The following RAPGEF5 variants were observed in gnomAD, a reference collection of about 807,000 sequenced individuals.
The protein encoded by RAPGEF5 is M-Ras-regulated GEF.
A neutral mutation model predicts 125.2 loss-of-function variants in RAPGEF5; 65 were observed. The ratio of observed to expected loss-of-function variants is 0.52; its 90% CI spans 0.43 to 0.64. The LOEUF is 0.64. Among genes scored for constraint, RAPGEF5 ranks in the 30% least tolerant of loss-of-function variants. RAPGEF5 has a pLI of 0.00. For synonymous variants in RAPGEF5, 391 were observed against 385.9 expected, an observed-to-expected ratio of 1.01 and a Z score of -0.16; for missense variants, 958 against 1,048.1, an observed-to-expected ratio of 0.91 and a Z score of 1.19.
chr7:22,239,147 G>A (rs980399904), intron 7 of RAPGEF5, among the ~76,000 whole-genome samples: 3 of 152,128 alleles, frequency 2.0e-5, no homozygotes, highest in African/African-American at 7.2e-5. Context: ...CCAGGGCCCT[G>A]CTATGGAGAT....
At chr7:22,151,708 C>T (rs1783635546) in intron 17 of RAPGEF5, among the ~76,000 whole-genome samples, 1 of 152,126 alleles carries the variant, frequency 6.6e-6, no homozygotes, top group Non-Finnish European at 1.5e-5. Context: ...AAGTGATCCG[C>T]CTGCCTTGGC....
At chr7:22,267,711 C>T (rs1173131653) in intron 6 of RAPGEF5, among the ~76,000 whole-genome samples, 4 of 152,118 alleles carry the variant, frequency 2.6e-5, no homozygotes, top group African/African-American at 9.7e-5. Flanking sequence ...CAAAGCAGAA[C>T]ACGAAACAGT....
At chr7:22,195,724 A>C (rs575043199) in intron 9 of RAPGEF5, among the ~76,000 whole-genome samples, 25 of 151,924 alleles carry the variant, frequency 1.6e-4, no homozygotes, top group African/African-American at 5.1e-4. Context: ...GACCAAAAAA[A>C]CCCCCCAAAA....
At chr7:22,204,472 A>G (rs556298889) in intron 9 of RAPGEF5, among the ~76,000 whole-genome samples, 14 of 152,208 alleles carry the variant, frequency 9.2e-5, no homozygotes, top group Non-Finnish European at 1.5e-4. Context: ...GTGTGCACGC[A>G]TGCCTGTGGA....
chr7:22,299,019 CTTTT>C (rs545568109), intron 5 of RAPGEF5, among the ~76,000 whole-genome samples: 2 of 123,986 alleles, frequency 1.6e-5, no homozygotes, highest in South Asian at 5.2e-4. Context: ...GATTTCGTAC[CTTTT>C]TTTTTTTTTT....
intron 22 of RAPGEF5, among the ~76,000 whole-genome samples, chr7:22,136,603 G>GA (rs1346590542): frequency 2.0e-5 from 3 of 151,096 alleles, no homozygotes; most frequent in African/African-American, 7.4e-5. Flanking sequence ...GGAGAAAAGG[G>GA]AAAAAGAAAA....
intron 9 of RAPGEF5, among the ~76,000 whole-genome samples, chr7:22,211,803 G>C (rs1649729356): frequency 1.3e-5 from 2 of 151,936 alleles, no homozygotes; most frequent in African/African-American, 4.8e-5. Flanking sequence ...CACAATGTTT[G>C]GATAAACCCA....
intron 6 of RAPGEF5, among the ~76,000 whole-genome samples, chr7:22,274,502 T>A (rs890474265): frequency 5.3e-5 from 8 of 152,116 alleles, no homozygotes; most frequent in South Asian, 4.2e-4. Context: ...GCTAATTTTT[T>A]AATTATTTTT....
At chr7:22,296,985 G>A (rs1331744961) in intron 5 of RAPGEF5, among the ~76,000 whole-genome samples, 1 of 152,164 alleles carries the variant, frequency 6.6e-6, no homozygotes, top group Non-Finnish European at 1.5e-5. Context: ...ATCTTGACAA[G>A]GTTGCCTTCA....
At chr7:22,250,394 A>G (rs1583517364) in intron 7 of RAPGEF5, among the ~76,000 whole-genome samples, 1 of 152,354 alleles carries the variant, frequency 6.6e-6, no homozygotes, top group Admixed American at 6.5e-5. Context: ...CACTTTTGTC[A>G]TAAGCATCAC....
chr7:22,250,441 C>A (rs1299806301), intron 7 of RAPGEF5, among the ~76,000 whole-genome samples: 2 of 152,236 alleles, frequency 1.3e-5, no homozygotes, highest in African/African-American at 4.8e-5. Flanking sequence ...AAATTATGCA[C>A]TTTGCATCAC....
intron 6 of RAPGEF5, among the ~76,000 whole-genome samples, chr7:22,270,538 A>C (rs13236317): frequency 0.21 from 31,746 of 152,164 alleles, 3,805 homozygotes; most frequent in East Asian, 0.52. Flanking sequence ...TACCAAATGT[A>C]GTAGAACCAT....
At chr7:22,287,294 A>G (rs1339335679) in intron 6 of RAPGEF5, among the ~76,000 whole-genome samples, 1 of 152,208 alleles carries the variant, frequency 6.6e-6, no homozygotes, top group Non-Finnish European at 1.5e-5. Flanking sequence ...TTATAAAGAC[A>G]TTCTTATTTC....
chr7:22,203,646 G>A (rs989484890), intron 9 of RAPGEF5, among the ~76,000 whole-genome samples: 2 of 152,182 alleles, frequency 1.3e-5, no homozygotes, highest in African/African-American at 4.8e-5. Context: ...AGACTCGGAG[G>A]TACATCCATT....
At chr7:22,134,618 G>A (rs1481473731) in intron 23 of RAPGEF5, among the ~76,000 whole-genome samples, 1 of 152,138 alleles carries the variant, frequency 6.6e-6, no homozygotes, top group Admixed American at 6.5e-5. Context: ...AGTATGTGTT[G>A]TTTCAAAATT....
At chr7:22,265,660 C>T (rs1335611240) in intron 7 of RAPGEF5, among the ~76,000 whole-genome samples, 1 of 138,180 alleles carries the variant, frequency 7.2e-6, no homozygotes, top group Admixed American at 7.3e-5. Context: ...CATACTGTTT[C>T]CCATAGTGGC....
chr7:22,321,458 T>C (rs1473672393), intron 1 of RAPGEF5, among the ~76,000 whole-genome samples: 1 of 152,214 alleles, frequency 6.6e-6, no homozygotes, highest in Admixed American at 6.5e-5. Context: ...TTAAAAGAGA[T>C]AGGCACAGTT....
intron 1 of RAPGEF5, chr7:22,355,910 C>G: frequency 1.0e-6 from 1 of 962,944 alleles, no homozygotes; most frequent in Non-Finnish European, 1.2e-6. Flanking sequence ...GAAAGAAAAA[C>G]CACATTGATG....
intron 6 of RAPGEF5, among the ~76,000 whole-genome samples, chr7:22,279,216 G>T (rs574615444): frequency 3.3e-5 from 5 of 152,276 alleles, no homozygotes; most frequent in African/African-American, 1.2e-4. Context: ...CCCCACGTGT[G>T]TTTGTCCTGA....
Sources: allele counts gnomAD v4.1 joint callset (sites outside exome capture counted in the v4.1 genomes callset), GRCh38; gene constraint gnomAD v4.1.1; transcripts MANE v1.5; gene names NCBI Gene and HGNC (gene_info 2026-07-23, HGNC 2026-07-21).